The following MSI2 variants were observed in gnomAD, a reference collection of about 807,000 sequenced individuals.
MSI2 encodes the protein musashi RNA binding protein 2.
In MSI2, 17 loss-of-function variants were observed where a neutral mutation model predicts 45.6. The ratio of observed to expected loss-of-function variants is 0.37; its 90% CI spans 0.26 to 0.56. MSI2 has a LOEUF of 0.56. Among genes scored for constraint, MSI2 ranks in the 20% least tolerant of loss-of-function variants. The pLI is 0.77. For missense variants in MSI2, 293 were observed against 444.2 expected (o/e 0.66, Z 3.06); for synonymous variants, 156 against 158.2 (o/e 0.99, Z 0.11).
intron 5 of MSI2, among the ~76,000 whole-genome samples, chr17:57,307,075 T>C (rs1911982369): frequency 1.3e-5 from 2 of 152,244 alleles, no homozygotes. Flanking sequence ...GCTTATTCCT[T>C]GGGCTGTCCA....
chr17:57,699,010 G>C, the MSI2 span, among the ~76,000 whole-genome samples: 19 of 103,316 alleles, frequency 1.8e-4, no homozygotes, highest in African/African-American at 7.0e-4. Flanking sequence ...TGAGGAAGAG[G>C]CGAGGAGAGA....
intron 8 of MSI2, among the ~76,000 whole-genome samples, chr17:57,614,048 TA>T (rs1408920398): frequency 1.3e-5 from 2 of 152,136 alleles, no homozygotes; most frequent in African/African-American, 4.8e-5. Flanking sequence ...ATTTTCGTTT[TA>T]TTTATTTTTT....
At chr17:57,269,379 A>G (rs925297728) in intron 5 of MSI2, among the ~76,000 whole-genome samples, 2 of 152,202 alleles carry the variant, frequency 1.3e-5, no homozygotes, top group African/African-American at 2.4e-5. Flanking sequence ...TCAGACCCAT[A>G]TAGAAGCTGG....
At chr17:57,541,927 C>T (rs1423747558) in intron 7 of MSI2, among the ~76,000 whole-genome samples, 1 of 152,130 alleles carries the variant, frequency 6.6e-6, no homozygotes, top group East Asian at 1.9e-4. Flanking sequence ...CGTTCTAGCA[C>T]CCTAGGCAAA....
At chr17:57,515,336 T>A (rs1273917461) in intron 6 of MSI2, among the ~76,000 whole-genome samples, 1 of 152,164 alleles carries the variant, frequency 6.6e-6, no homozygotes, top group Non-Finnish European at 1.5e-5. Flanking sequence ...CCCGAGTAGC[T>A]GGGATTACAG....
chr17:57,497,576 CTA>C (rs2086006088), intron 6 of MSI2, among the ~76,000 whole-genome samples: 2 of 152,226 alleles, frequency 1.3e-5, no homozygotes, highest in South Asian at 4.1e-4. Flanking sequence ...CTACGTCTCT[CTA>C]TGTCTGAAGG....
chr17:57,568,065 T>C (rs2087780449), intron 7 of MSI2, among the ~76,000 whole-genome samples: 1 of 152,286 alleles, frequency 6.6e-6, no homozygotes, highest in South Asian at 2.1e-4. Context: ...CCTATGTTCT[T>C]TCAGCATTTC....
At chr17:57,380,016 C>T (rs1358723472) in intron 5 of MSI2, among the ~76,000 whole-genome samples, 1 of 152,050 alleles carries the variant, frequency 6.6e-6, no homozygotes, top group Non-Finnish European at 1.5e-5. Flanking sequence ...GAAGGCCTAG[C>T]ATATTGGGTA....
intron 5 of MSI2, among the ~76,000 whole-genome samples, chr17:57,387,088 T>C (rs2083699623): frequency 6.6e-6 from 1 of 152,170 alleles, no homozygotes; most frequent in African/African-American, 2.4e-5. Flanking sequence ...CAGCTACAGG[T>C]CCCCAGTTGC....
intron 5 of MSI2, among the ~76,000 whole-genome samples, chr17:57,373,741 C>G (rs2083453953): frequency 6.6e-6 from 1 of 152,226 alleles, no homozygotes; most frequent in Non-Finnish European, 1.5e-5. Context: ...CCGAAGGCCT[C>G]CATGGCTGCC....
intron 6 of MSI2, among the ~76,000 whole-genome samples, chr17:57,494,172 ATTC>A (rs2085930727): frequency 6.6e-6 from 1 of 152,200 alleles, no homozygotes; most frequent in Non-Finnish European, 1.5e-5. Flanking sequence ...CAGAGTCATA[ATTC>A]TTCTTGTTGG....
At chr17:57,378,481 G>A (rs1045606967) in intron 5 of MSI2, among the ~76,000 whole-genome samples, 1 of 152,060 alleles carries the variant, frequency 6.6e-6, no homozygotes, top group Non-Finnish European at 1.5e-5. Context: ...CCAGGCTGGT[G>A]TCGATCTCCT....
rs899557076 is a variant in MSI2, at chr17:57,460,519, C to T, written c.405+59048C>T. ...GAAGAAAAGAAAAAGATTTGATGTA[C>T]GCCACCATGAAAGCAGGTAGAAGGC... On this transcript the variant is annotated intron_variant, in intron 6 of 13. Coordinates refer to ENST00000284073, the MANE Select transcript of MSI2 (RefSeq NM_138962.4). 5.3e-5 allele frequency among the ~76,000 whole-genome samples: 8 copies of T among 152,136 alleles called. No individual in the cohort carries two copies. The East Asian group carries it at 9.7e-4, about 18-fold the overall frequency.
intron 5 of MSI2, among the ~76,000 whole-genome samples, chr17:57,351,313 T>A (rs1357541226): frequency 6.6e-6 from 1 of 151,926 alleles, no homozygotes; most frequent in East Asian, 1.9e-4. Flanking sequence ...GCCATGTCAT[T>A]CCAGTATTCC....
intron 10 of MSI2, among the ~76,000 whole-genome samples, chr17:57,634,515 G>A (rs1456654334): frequency 1.3e-5 from 2 of 152,142 alleles, no homozygotes; most frequent in Non-Finnish European, 2.9e-5. Flanking sequence ...GGGTGCAAGG[G>A]TGGGCTGCTT....
At chr17:57,644,219 T>TG (rs1263890904) in intron 10 of MSI2, among the ~76,000 whole-genome samples, 4 of 151,794 alleles carry the variant, frequency 2.6e-5, no homozygotes, top group African/African-American at 9.7e-5. Context: ...AAGTTGTTTT[T>TG]TTTTTTTTTT....
chr17:57,303,420 T>G lies in MSI2; in HGVS notation c.312+41228T>G, dbSNP rs1032774951. Reference sequence around the variant, plus strand: ...TCATTCCCAAGTGAGAAAGCATGTTTAGAAACGCAGTGTGAAGGGGGAAAA... The same window carrying G: ...TCATTCCCAAGTGAGAAAGCATGTTGAGAAACGCAGTGTGAAGGGGGAAAA... On this transcript the variant is annotated intron_variant, in intron 5 of 13. Transcript: ENST00000284073. 6.6e-5 allele frequency among the ~76,000 whole-genome samples: 10 copies of G among 152,360 alleles called. No individual in the cohort carries two copies. The East Asian group carries it at 1.9e-3, about 29-fold the overall frequency.
intron 6 of MSI2, among the ~76,000 whole-genome samples, chr17:57,508,052 C>T (rs2086275545): frequency 6.6e-6 from 1 of 152,208 alleles, no homozygotes; most frequent in African/African-American, 2.4e-5. Context: ...TAGTGAAGAC[C>T]TACTTCAGAG....
At position 57,641,131 on chromosome 17, in the gene MSI2, G is replaced by A. The variant is rs536892502; in HGVS notation, c.728-10968G>A. On this transcript the variant is annotated intron_variant, in intron 10 of 13. Transcript: ENST00000284073. ...CTGCTCCACAGTCTAGCAGTAAAAGGGTTGGTGGTGTCTGCCCTTCAACAT... is the reference window on the plus strand; with the variant it reads ...CTGCTCCACAGTCTAGCAGTAAAAGAGTTGGTGGTGTCTGCCCTTCAACAT... Among the ~76,000 whole-genome samples, 6 of 152,322 alleles carry A rather than the reference G, an allele frequency of 3.9e-5. No homozygotes were observed. In the East Asian group the frequency reaches 1.2e-3, roughly 29 times the overall value.
Sources: gnomAD v4.1 joint callset for allele counts (sites outside exome capture counted in the v4.1 genomes callset) on GRCh38, gnomAD v4.1.1 for gene constraint, MANE v1.5 for transcripts, NCBI Gene and HGNC (gene_info 2026-07-23, HGNC 2026-07-21) for gene names.